UNC5C: variants seen among roughly 807,000 people sequenced by gnomAD.
UNC5C encodes the protein netrin receptor UNC5C.
Under a neutral mutation model 99.8 loss-of-function variants are expected in UNC5C, and 47 were observed. The ratio of observed to expected loss-of-function variants is 0.47; its 90% CI spans 0.37 to 0.60. The LOEUF (loss-of-function observed/expected upper bound fraction) is 0.60, where lower values mean the gene tolerates loss of function less well. Among genes scored for constraint, UNC5C ranks in the 20% least tolerant of loss-of-function variants. The pLI is 0.00. For missense variants in UNC5C, 1,062 were observed against 1,165.9 expected, an observed-to-expected ratio of 0.91 and a Z score of 1.30; for synonymous variants, 487 against 452.2, an observed-to-expected ratio of 1.08 and a Z score of -0.98.
chr4:95,468,058 A>G (rs892855035), intron 1 of UNC5C, among the ~76,000 whole-genome samples: 5 of 151,548 alleles, frequency 3.3e-5, no homozygotes, highest in African/African-American at 4.8e-5. Flanking sequence ...GGAGGAAGTG[A>G]AAGGGAGGCA....
chr4:95,312,435 T>C (rs910341499), intron 2 of UNC5C, among the ~76,000 whole-genome samples: 5 of 152,150 alleles, frequency 3.3e-5, no homozygotes, highest in Admixed American at 2.6e-4. Context: ...ATCCCAGGCA[T>C]AGAATAAACT....
At chr4:95,409,393 T>C (rs1173900067) in intron 1 of UNC5C, among the ~76,000 whole-genome samples, 2 of 152,210 alleles carry the variant, frequency 1.3e-5, no homozygotes, top group Non-Finnish European at 2.9e-5. Context: ...AAGGTTAAAA[T>C]GTCCACATTC....
intron 7 of UNC5C, among the ~76,000 whole-genome samples, chr4:95,225,863 C>T (rs908607965): frequency 5.3e-5 from 8 of 152,148 alleles, no homozygotes; most frequent in African/African-American, 1.4e-4. Context: ...CCATCATTTT[C>T]AAAACACTTC....
At chr4:95,190,908 CAA>C (rs574453976) in intron 12 of UNC5C, among the ~76,000 whole-genome samples, 152 of 152,292 alleles carry the variant, frequency 1.0e-3, no homozygotes, top group African/African-American at 3.4e-3. Context: ...AAAGGCAGGA[CAA>C]GAGATTCCAC....
At chr4:95,251,423 C>T (rs1579268195) in intron 4 of UNC5C, among the ~76,000 whole-genome samples, 1 of 152,236 alleles carries the variant, frequency 6.6e-6, no homozygotes. Flanking sequence ...GACCTTAAGA[C>T]ATGACCATTT....
intron 1 of UNC5C, among the ~76,000 whole-genome samples, chr4:95,367,148 C>G (rs555248896): frequency 2.6e-5 from 4 of 151,260 alleles, no homozygotes; most frequent in African/African-American, 4.9e-5. Flanking sequence ...CTCACTGGTA[C>G]GTCAGACCTA....
chr4:95,170,290 T>C lies in UNC5C; in HGVS notation c.2494A>G (p.Thr832Ala), dbSNP rs1052136157. Residue 832 changes from threonine to alanine, a missense_variant, in exon 15 of 16, where the codon ACC (threonine) becomes GCC (alanine). Around this residue, in one of 3 missense-constraint regions of UNC5C, gnomAD observed 810 missense variants for 854.5 expected, o/e 0.95. Coordinates refer to ENST00000453304, the MANE Select transcript of UNC5C (RefSeq NM_003728.4). Reference protein sequence around the residue: ...IDLPLLDPANTITTVTGPSAF... With the variant: ...IDLPLLDPANAITTVTGPSAF... ...CTGGGCCCCGTGACCGTGGTGATGG[T>C]GTTCGCAGGATCCAGCAGCGGCAAA... The C allele has an allele frequency of 1.9e-6, 3 of 1,614,132 alleles. No homozygotes were observed. The highest frequency in any genetic ancestry group is 1.7e-5 in the Admixed American group (1 of 60,020).
intron 13 of UNC5C, among the ~76,000 whole-genome samples, chr4:95,183,657 C>CT (rs762986705): frequency 1.0e-3 from 153 of 152,012 alleles, no homozygotes; most frequent in Non-Finnish European, 1.7e-3. Context: ...TTCTAAAAGT[C>CT]TAGACCACCT....
At chr4:95,214,564 C>T (rs1249331965) in intron 10 of UNC5C, among the ~76,000 whole-genome samples, 7 of 152,228 alleles carry the variant, frequency 4.6e-5, no homozygotes, top group East Asian at 1.9e-4. Context: ...AGAGCAGGCA[C>T]GTGAGTGCAC....
chr4:95,361,018 G>A (rs968832088), intron 1 of UNC5C, among the ~76,000 whole-genome samples: 16 of 152,142 alleles, frequency 1.1e-4, no homozygotes, highest in African/African-American at 2.7e-4. Flanking sequence ...GTAAAAACAC[G>A]TTCTGTGACT....
intron 7 of UNC5C, chr4:95,222,186 A>C (rs1356261064): frequency 1.1e-5 from 16 of 1,477,984 alleles, no homozygotes; most frequent in Admixed American, 2.4e-5. Context: ...ATTCAGCAAC[A>C]TAAAATCCAA....
intron 14 of UNC5C, among the ~76,000 whole-genome samples, chr4:95,179,544 C>T (rs769853040): frequency 3.3e-5 from 5 of 151,978 alleles, no homozygotes; most frequent in South Asian, 2.1e-4. Context: ...CTCAGGAGTT[C>T]GAGACCAGCC....
chr4:95,461,193 G>C (rs1001786473), intron 1 of UNC5C, among the ~76,000 whole-genome samples: 1 of 152,108 alleles, frequency 6.6e-6, no homozygotes, highest in East Asian at 1.9e-4. Context: ...TTAATGCAAA[G>C]TATCTTTTTC....
intron 5 of UNC5C, among the ~76,000 whole-genome samples, chr4:95,245,670 C>T (rs965368564): frequency 2.0e-5 from 3 of 152,128 alleles, no homozygotes; most frequent in South Asian, 4.1e-4. Flanking sequence ...TCTTACAGTA[C>T]TGGGGTTATA....
chr4:95,424,587 T>C (rs1000935197), intron 1 of UNC5C, among the ~76,000 whole-genome samples: 5 of 138,296 alleles, frequency 3.6e-5, no homozygotes, highest in African/African-American at 1.3e-4. Context: ...AGTGGCGCAA[T>C]CTCGGCTCAC....
At chr4:95,528,421 A>G (rs1722552245) in intron 1 of UNC5C, among the ~76,000 whole-genome samples, 1 of 152,164 alleles carries the variant, frequency 6.6e-6, no homozygotes, top group South Asian at 2.1e-4. Flanking sequence ...CGTTGCCACC[A>G]TTTACCTTCA....
intron 1 of UNC5C, among the ~76,000 whole-genome samples, chr4:95,398,141 C>CATGCAA (rs372190840): frequency 0.016 from 2,282 of 145,048 alleles, 57 homozygotes; most frequent in African/African-American, 0.056. Flanking sequence ...TCATTAAACA[C>CATGCAA]ATGCAAATGA....
chr4:95,265,203 C>T (rs968425375), intron 4 of UNC5C, among the ~76,000 whole-genome samples: 2 of 152,176 alleles, frequency 1.3e-5, no homozygotes, highest in Non-Finnish European at 1.5e-5. Flanking sequence ...ACTCACAAAT[C>T]GTTATCTTCA....
chr4:95,480,728 C>T (rs58466662), intron 1 of UNC5C, among the ~76,000 whole-genome samples: 4,371 of 152,048 alleles, frequency 0.029, 207 homozygotes, highest in African/African-American at 0.093. Context: ...AAATGTAATC[C>T]AGCATATAAA....
Sources: gnomAD v4.1 joint callset for allele counts (sites outside exome capture counted in the v4.1 genomes callset) on GRCh38, gnomAD v4.1.1 for gene constraint, gnomAD v4.1.1 regional missense constraint, MANE v1.5 for transcripts, NCBI Gene and HGNC (gene_info 2026-07-23, HGNC 2026-07-21) for gene names.